XPR1: variants seen among roughly 807,000 people sequenced by gnomAD.
XPR1 encodes solute carrier family 53 member 1.
A neutral mutation model predicts 87.5 loss-of-function variants in XPR1; 28 were observed. That is an observed-to-expected ratio of 0.32 (90% CI 0.24 to 0.44). The LOEUF (loss-of-function observed/expected upper bound fraction) is 0.44, where lower values mean the gene tolerates loss of function less well. Among genes scored for constraint, XPR1 ranks in the 20% least tolerant of loss-of-function variants. The pLI is 1.00. For missense variants in XPR1, 559 were observed against 862.3 expected (o/e 0.65, Z 4.41); for synonymous variants, 300 against 306.1 (o/e 0.98, Z 0.21).
chr1:180,691,001 A>G (rs1656974715), intron 2 of XPR1, among the ~76,000 whole-genome samples: 2 of 151,970 alleles, frequency 1.3e-5, no homozygotes, highest in Non-Finnish European at 2.9e-5. Flanking sequence ...AGATGGCCAA[A>G]CATATTATTA....
intron 1 of XPR1, among the ~76,000 whole-genome samples, chr1:180,636,449 A>G (rs781779211): frequency 2.6e-5 from 4 of 152,234 alleles, no homozygotes; most frequent in Non-Finnish European, 4.4e-5. Context: ...ACAGGAAGCT[A>G]TAACTATTCT....
chr1:180,859,955 A>G (rs1175975024), intron 11 of XPR1, among the ~76,000 whole-genome samples: 2 of 152,180 alleles, frequency 1.3e-5, no homozygotes, highest in African/African-American at 2.4e-5. Flanking sequence ...CAGGAAACCT[A>G]TCAGAAAGAG....
chr1:180,764,976 G>A (rs1020325840), intron 2 of XPR1, among the ~76,000 whole-genome samples: 7 of 151,164 alleles, frequency 4.6e-5, no homozygotes, highest in Non-Finnish European at 1.0e-4. Flanking sequence ...TAGTAGAGAC[G>A]GGGTTTCACT....
At position 180,680,162 on chromosome 1, in the gene XPR1, C is replaced by T. The variant is rs114834107; in HGVS notation, c.70-2198C>T. On this transcript the variant is annotated intron_variant, in intron 1 of 14. Transcript: ENST00000367590. ...ATCATCAAAGAAATACAAATCAAAA[C>T]CACAGTGAGGTATCATCTCACCCCA... 4.8e-3 allele frequency among the ~76,000 whole-genome samples: 727 copies of T among 151,916 alleles called. 9 individuals carry two copies. Among genetic ancestry groups the T allele is most frequent in the African/African-American group, 0.017 (687 of 41,438 alleles).
At chr1:180,688,454 C>T (rs955793607) in intron 2 of XPR1, among the ~76,000 whole-genome samples, 1 of 152,006 alleles carries the variant, frequency 6.6e-6, no homozygotes, top group South Asian at 2.1e-4. Flanking sequence ...TGCAGAAAGA[C>T]TTGTAAATAT....
chr1:180,731,791 A>G (rs1305832066), intron 2 of XPR1, among the ~76,000 whole-genome samples: 1 of 152,258 alleles, frequency 6.6e-6, no homozygotes, highest in Non-Finnish European at 1.5e-5. Context: ...CTTAAAGCAC[A>G]TCTCAATTTG....
At chr1:180,681,412 G>A (rs1443291190) in intron 1 of XPR1, among the ~76,000 whole-genome samples, 1 of 152,142 alleles carries the variant, frequency 6.6e-6, no homozygotes. Flanking sequence ...TTGGGAGGCC[G>A]AGGAGGGCGG....
In XPR1 at chr1:180,728,529, G is replaced by A. The variant is rs183835602; in HGVS notation, c.121+46118G>A. On this transcript the variant is annotated intron_variant, in intron 2 of 14. Transcript: ENST00000367590. Reference sequence around the variant, plus strand: ...TGGATCTTGTTAAAGCGCATATTCCGATTAACTAATTCTCAGGTGGTTCCT... The same window carrying A: ...TGGATCTTGTTAAAGCGCATATTCCAATTAACTAATTCTCAGGTGGTTCCT... 1.4e-4 allele frequency among the ~76,000 whole-genome samples: 22 copies of A among 152,338 alleles called. No homozygotes were observed. In the East Asian group the frequency reaches 4.2e-3, roughly 29 times the overall value.
chr1:180,873,656 C>A, intron 12 of XPR1, 147 bp from the exon 13 acceptor site: 2 of 867,504 alleles, frequency 2.3e-6, no homozygotes, highest in East Asian at 2.7e-5. Flanking sequence ...GTGTACTTCC[C>A]TGCAAAATAA....
At chr1:180,818,761 C>G (rs1460980222) in intron 7 of XPR1, among the ~76,000 whole-genome samples, 1 of 151,982 alleles carries the variant, frequency 6.6e-6, no homozygotes, top group Non-Finnish European at 1.5e-5. Flanking sequence ...TCTTGTCTAG[C>G]AAGAGTATTG....
chr1:180,882,232 A>G (rs893971784), intron 14 of XPR1, among the ~76,000 whole-genome samples: 1 of 152,244 alleles, frequency 6.6e-6, no homozygotes, highest in African/African-American at 2.4e-5. Flanking sequence ...AGAGTAAGAC[A>G]TTAGGAATGG....
At chr1:180,838,298 G>T (rs1022314591) in intron 11 of XPR1, among the ~76,000 whole-genome samples, 1 of 151,908 alleles carries the variant, frequency 6.6e-6, no homozygotes, top group Non-Finnish European at 1.5e-5. Context: ...TCTTCACATT[G>T]TGTAGGCTGA....
chr1:180,754,653 G>A (rs1430623355), intron 2 of XPR1, among the ~76,000 whole-genome samples: 1 of 151,920 alleles, frequency 6.6e-6, no homozygotes, highest in Admixed American at 6.6e-5. Flanking sequence ...GTAGAGACAG[G>A]GTTTCGCCAT....
At chr1:180,712,792 T>G (rs897525945) in intron 2 of XPR1, among the ~76,000 whole-genome samples, 7 of 151,926 alleles carry the variant, frequency 4.6e-5, no homozygotes, top group African/African-American at 1.7e-4. Flanking sequence ...GGCAACAGAA[T>G]GAGACTCTGT....
At chr1:180,755,741 A>G (rs552165731) in intron 2 of XPR1, among the ~76,000 whole-genome samples, 1 of 152,148 alleles carries the variant, frequency 6.6e-6, no homozygotes, top group East Asian at 1.9e-4. Context: ...CTATTTTTTT[A>G]TGTGCCCTGA....
At chr1:180,820,890 T>C (rs555697430) in intron 7 of XPR1, among the ~76,000 whole-genome samples, 1 of 152,294 alleles carries the variant, frequency 6.6e-6, no homozygotes, top group South Asian at 2.1e-4. Flanking sequence ...CTATCCAGGT[T>C]CTTAGCCCTA....
intron 2 of XPR1, among the ~76,000 whole-genome samples, chr1:180,759,215 G>A (rs1234796562): frequency 2.6e-5 from 4 of 152,222 alleles, no homozygotes; most frequent in East Asian, 1.9e-4. Context: ...AACTAAAAAA[G>A]CAAGAGCAAA....
chr1:180,638,748 G>A (rs925834793), intron 1 of XPR1, among the ~76,000 whole-genome samples: 1 of 152,148 alleles, frequency 6.6e-6, no homozygotes, highest in Non-Finnish European at 1.5e-5. Context: ...AAAAAGTGGT[G>A]TAGAAAGGGA....
chr1:180,874,094 C>A, intron 13 of XPR1, 152 bp downstream of exon 13: 1 of 960,792 alleles, frequency 1.0e-6, no homozygotes, highest in African/African-American at 1.7e-5. Flanking sequence ...ATTGGAAAAC[C>A]ATGTTGGCCA....
Sources: gnomAD v4.1 joint callset for allele counts (sites outside exome capture counted in the v4.1 genomes callset) on GRCh38, gnomAD v4.1.1 for gene constraint, MANE v1.5 for transcripts, NCBI Gene and HGNC (gene_info 2026-07-23, HGNC 2026-07-21) for gene names.